Variants in RTF1 observed in about 807,000 individuals in gnomAD.
RTF1 encodes RTF1 homolog, Paf1/RNA polymerase II complex component, also known as RNA polymerase-associated protein RTF1 homolog.
Under a neutral mutation model 95.7 loss-of-function variants are expected in RTF1, and 10 were observed. That is an observed-to-expected ratio of 0.10 (90% confidence interval 0.06 to 0.18). The LOEUF is 0.18. Among genes scored for constraint, RTF1 ranks in the 10% least tolerant of loss-of-function variants. The probability of loss-of-function intolerance (pLI) is 1.00; values close to 1 mark genes in which losing one functional copy is unlikely to be tolerated. For missense variants in RTF1, 458 were observed against 875.6 expected (o/e 0.52, Z 6.02); for synonymous variants, 305 against 311.8 (o/e 0.98, Z 0.23).
intron 2 of RTF1, among the ~76,000 whole-genome samples, chr15:41,442,002 T>C (rs951995299): frequency 1.3e-5 from 2 of 152,184 alleles, no homozygotes; most frequent in East Asian, 3.8e-4. Context: ...AAAATAACTA[T>C]TAAAATCTTT....
At chr15:41,462,874 G>A (rs2050858228) in intron 4 of RTF1, among the ~76,000 whole-genome samples, 1 of 152,134 alleles carries the variant, frequency 6.6e-6, no homozygotes. Context: ...TCCCACCTCA[G>A]CCTCCCAAGT....
At chr15:41,454,775 A>G (rs997195748) in intron 3 of RTF1, among the ~76,000 whole-genome samples, 13 of 152,216 alleles carry the variant, frequency 8.5e-5, no homozygotes, top group African/African-American at 2.7e-4. Context: ...TAACAAATCA[A>G]CCAAACCAAA....
chr15:41,439,647 A>AT (rs2050722748), intron 2 of RTF1, among the ~76,000 whole-genome samples: 1 of 151,964 alleles, frequency 6.6e-6, no homozygotes, highest in African/African-American at 2.4e-5. Flanking sequence ...CATTTGATTT[A>AT]TTTATTTTAT....
intron 1 of RTF1, among the ~76,000 whole-genome samples, chr15:41,417,764 G>A (rs2050579166): frequency 6.6e-6 from 1 of 152,212 alleles, no homozygotes; most frequent in South Asian, 2.1e-4. Context: ...GACTCTGGAA[G>A]ATGGAAGTTT....
intron 1 of RTF1, among the ~76,000 whole-genome samples, chr15:41,422,794 G>A (rs1221376943): frequency 2.7e-5 from 4 of 150,840 alleles, no homozygotes; most frequent in African/African-American, 4.9e-5. Flanking sequence ...TCTTTTTTTT[G>A]AGACGGAGTC....
intron 1 of RTF1, among the ~76,000 whole-genome samples, chr15:41,437,035 C>G (rs966482470): frequency 6.6e-6 from 1 of 151,770 alleles, no homozygotes; most frequent in Non-Finnish European, 1.5e-5. Context: ...TGCAGTAAGC[C>G]GAGATCTCGC....
intron 3 of RTF1, among the ~76,000 whole-genome samples, chr15:41,456,239 C>T (rs1334207613): frequency 6.6e-6 from 1 of 151,206 alleles, no homozygotes; most frequent in Non-Finnish European, 1.5e-5. Context: ...GTAATCCCAG[C>T]ACTTTGGGAG....
rs2050985719 is a variant in RTF1, at chr15:41,482,950, G to C, written c.*2263G>C. ...TTTGGAGAAGTGTTGATTACATTAT[G>C]GCTGTGTAATAAAATTTTTATTAAA... On this transcript the variant is annotated 3_prime_UTR_variant, in exon 18 of 18. Transcript: ENST00000389629. 1 of 152,502 alleles carries C rather than the reference G, an allele frequency of 6.6e-6. No homozygotes were observed. Among genetic ancestry groups the C allele is most frequent in the Admixed American group, 6.6e-5 (1 of 15,256 alleles). 9.4% of individuals were successfully genotyped at this position (152,502 alleles called of 1,614,324 possible).
intron 5 of RTF1, among the ~76,000 whole-genome samples, chr15:41,465,827 C>T (rs2050877795): frequency 6.6e-6 from 1 of 151,984 alleles, no homozygotes; most frequent in South Asian, 2.1e-4. Flanking sequence ...AGAAAAACAA[C>T]AAAAAAAGAT....
At chr15:41,441,117 G>A (rs566112865) in intron 2 of RTF1, among the ~76,000 whole-genome samples, 4 of 151,722 alleles carry the variant, frequency 2.6e-5, no homozygotes, top group South Asian at 2.1e-4. Context: ...GACTACAGGC[G>A]CCTGCCACCA....
Position 41,452,886 on chromosome 15 carries a change from C to T in RTF1, c.310-15C>T, listed in dbSNP as rs1331262277. On this transcript the variant is annotated splice_polypyrimidine_tract_variant and intron_variant, in intron 2 of 17. Coordinates refer to ENST00000389629, the MANE Select transcript of RTF1 (RefSeq NM_015138.5). ...TATTCCTATTTCAGTCTTCCTTTTT[C>T]TTTTCTCCTTATAGTGGACATTTGG... The T allele has an allele frequency of 1.9e-6, 3 of 1,548,880 alleles. No homozygotes were observed. Among genetic ancestry groups the T allele is most frequent in the Admixed American group, 4.4e-5 (2 of 45,876 alleles).
rs2050573868 is a variant in RTF1 at position 41,417,137 on chromosome 15, G to A, written c.22G>A (p.Gly8Ser). The change falls in exon 1 of 18, where the codon GGT (glycine) becomes AGT (serine). Residue 8 changes from glycine (G) to serine (S), a missense_variant. By Grantham distance (56) the Gly-to-Ser change is moderately conservative (BLOSUM62 0). Around this residue, in one of 11 missense-constraint regions of RTF1, gnomAD observed 81 missense variants for 59.9 expected, o/e 1.35. Transcript: ENST00000389629. ...GCGCATGCGCGGTCGCCTTTGTGTG[G>A]GTCGAGCAGCGGCGGCGGCGGCGGC... MRGRLCV[G>S]RAAAAAAAVA... The A allele has an allele frequency of 3.2e-6, 4 of 1,255,482 alleles. No individual in the cohort carries two copies. Among genetic ancestry groups the A allele is most frequent in the Non-Finnish European group, 4.0e-6 (4 of 996,132 alleles). 77.8% of individuals were successfully genotyped at this position (1,255,482 alleles called of 1,614,324 possible).
At chr15:41,426,810 TGTGTG>T (rs1566835865) in intron 1 of RTF1, among the ~76,000 whole-genome samples, 1,452 of 139,680 alleles carry the variant, frequency 0.01, 36 homozygotes, top group African/African-American at 0.037. Flanking sequence ...TGTGTGTGTG[TGTGTG>T]TGTGTGTGTG....
At chr15:41,454,978 A>G (rs916649970) in intron 3 of RTF1, among the ~76,000 whole-genome samples, 2 of 152,098 alleles carry the variant, frequency 1.3e-5, no homozygotes, top group Admixed American at 6.6e-5. Context: ...TGGGGCTTAT[A>G]CTCTTCAAAA....
chr15:41,452,488 C>G (rs2050793845), intron 2 of RTF1, among the ~76,000 whole-genome samples: 1 of 151,052 alleles, frequency 6.6e-6, no homozygotes. Context: ...AATCCCAGCA[C>G]TTTGGGAGGC....
chr15:41,458,714 A>C (rs1310320334), intron 4 of RTF1, among the ~76,000 whole-genome samples: 1 of 152,044 alleles, frequency 6.6e-6, no homozygotes, highest in Non-Finnish European at 1.5e-5. Flanking sequence ...GCGCCACTGC[A>C]CTCTAGCCTT....
intron 1 of RTF1, among the ~76,000 whole-genome samples, chr15:41,430,494 C>G (rs1008945955): frequency 3.3e-5 from 5 of 151,998 alleles, no homozygotes; most frequent in African/African-American, 9.7e-5. Context: ...AATCCTAGCA[C>G]TTTGGGAGGG....
chr15:41,440,490 C>CTTTTT (rs1271679997), intron 2 of RTF1, among the ~76,000 whole-genome samples: 4 of 117,940 alleles, frequency 3.4e-5, no homozygotes, highest in East Asian at 2.6e-4. Flanking sequence ...CGCCTGGCCT[C>CTTTTT]TTTTTTTTTT....
Position 41,438,465 on chromosome 15 carries a change from T to A in RTF1, c.309+34T>A, listed in dbSNP as rs752345330. The A allele has an allele frequency of 5.6e-6, 8 of 1,423,598 alleles. No individual in the cohort carries two copies. In the South Asian group the frequency reaches 7.5e-5, roughly 13 times the overall value. The allele number at this position is 1,423,598 out of a possible 1,614,324, so 88.2% of individuals were successfully genotyped here. A position where few individuals can be genotyped will look rare whatever the true frequency, so the allele number is the denominator to read the frequency against. The stretch of plus-strand genomic sequence containing the variant: ...GGAGGGCCTCGGCTTCTGGGACCAT[T>A]AGATAGTTGAGGCTCCTCGCTTTGG... On this transcript the variant is annotated intron_variant, in intron 2 of 17. Coordinates refer to ENST00000389629, the MANE Select transcript of RTF1 (RefSeq NM_015138.5).
Sources: gnomAD v4.1 joint callset for allele counts (sites outside exome capture counted in the v4.1 genomes callset) on GRCh38, gnomAD v4.1.1 for gene constraint, gnomAD v4.1.1 regional missense constraint, MANE v1.5 for transcripts, NCBI Gene and HGNC (gene_info 2026-07-23, HGNC 2026-07-21) for gene names.